Variants in RFTN2 observed in about 807,000 individuals in gnomAD.
The protein encoded by RFTN2 is raftlin-2.
A neutral mutation model predicts 52.7 loss-of-function variants in RFTN2; 34 were observed. That is an observed-to-expected ratio of 0.64 (90% CI 0.49 to 0.86). The LOEUF (loss-of-function observed/expected upper bound fraction) is 0.86. RFTN2 is among the 40% of genes least tolerant of loss of function. RFTN2 has a pLI of 0.00. For missense variants in RFTN2, 536 were observed against 600.1 expected (o/e 0.89, Z 1.12); for synonymous variants, 203 against 217.7 (o/e 0.93, Z 0.59).
chr2:197,653,460 G>T (rs2088851092), intron 1 of RFTN2, among the ~76,000 whole-genome samples: 1 of 151,792 alleles, frequency 6.6e-6, no homozygotes, highest in African/African-American at 2.4e-5. Context: ...GGAAGACTCA[G>T]TTACCCATGG....
At chr2:197,634,875 A>G (rs905042601) in intron 3 of RFTN2, among the ~76,000 whole-genome samples, 3 of 146,144 alleles carry the variant, frequency 2.1e-5, no homozygotes, top group African/African-American at 7.5e-5. Context: ...TCCCAATGCT[A>G]TAGCTCCCCC....
At chr2:197,640,495 T>C (rs1477424744) in intron 3 of RFTN2, among the ~76,000 whole-genome samples, 1 of 152,224 alleles carries the variant, frequency 6.6e-6, no homozygotes, top group African/African-American at 2.4e-5. Flanking sequence ...GTGACCCGAT[T>C]TTCCAGGTGA....
intron 8 of RFTN2, among the ~76,000 whole-genome samples, chr2:197,590,158 G>A (rs979494058): frequency 3.3e-5 from 5 of 151,980 alleles, no homozygotes; most frequent in African/African-American, 9.7e-5. Flanking sequence ...TCCTGCCTCA[G>A]GCTCCCAGAA....
intron 8 of RFTN2, among the ~76,000 whole-genome samples, chr2:197,576,835 G>C (rs1428015543): frequency 6.6e-6 from 1 of 152,148 alleles, no homozygotes; most frequent in Non-Finnish European, 1.5e-5. Flanking sequence ...CAAGTTACCG[G>C]AGTTGAGCAA....
chr2:197,624,076 G>A (rs1290447030), intron 5 of RFTN2, among the ~76,000 whole-genome samples: 2 of 152,166 alleles, frequency 1.3e-5, no homozygotes, highest in East Asian at 3.9e-4. Context: ...TGGGATTACA[G>A]GTGTGAGCTA....
chr2:197,659,212 A>G (rs948601297), intron 1 of RFTN2, among the ~76,000 whole-genome samples: 1 of 152,142 alleles, frequency 6.6e-6, no homozygotes, highest in African/African-American at 2.4e-5. Context: ...TACTTATGAA[A>G]TATTAGGGCC....
intron 1 of RFTN2, among the ~76,000 whole-genome samples, chr2:197,665,235 TTC>T (rs1485387220): frequency 6.6e-6 from 1 of 152,176 alleles, no homozygotes; most frequent in East Asian, 1.9e-4. Context: ...CTTCTATACT[TTC>T]TGTTCAATTT....
intron 3 of RFTN2, among the ~76,000 whole-genome samples, chr2:197,634,752 A>C (rs1574727504): frequency 6.7e-6 from 1 of 148,538 alleles, no homozygotes. Flanking sequence ...TATTTTTATT[A>C]TACTTTAAGT....
intron 8 of RFTN2, among the ~76,000 whole-genome samples, chr2:197,586,860 T>A (rs1045586603): frequency 2.6e-5 from 4 of 152,212 alleles, no homozygotes; most frequent in Non-Finnish European, 4.4e-5. Flanking sequence ...GGACTCTGTA[T>A]ATTTTTTAAA....
At chr2:197,658,262 C>A (rs1397781737) in intron 1 of RFTN2, among the ~76,000 whole-genome samples, 1 of 151,112 alleles carries the variant, frequency 6.6e-6, no homozygotes, top group Non-Finnish European at 1.5e-5. Flanking sequence ...TCTTCATAAA[C>A]CTTACTTATG....
At chr2:197,669,098 A>G (rs1336598425) in intron 1 of RFTN2, among the ~76,000 whole-genome samples, 25 of 152,132 alleles carry the variant, frequency 1.6e-4, no homozygotes, top group Admixed American at 1.6e-3. Context: ...GTGATTATCT[A>G]CTCACTGTTT....
At chr2:197,629,653 G>A (rs1188368343) in intron 5 of RFTN2, among the ~76,000 whole-genome samples, 1 of 142,946 alleles carries the variant, frequency 7.0e-6, no homozygotes, top group Non-Finnish European at 1.5e-5. Flanking sequence ...CAAAAAATAT[G>A]AAGAAATATT....
intron 3 of RFTN2, 86 bp from the exon 4 acceptor site, chr2:197,634,083 G>A (rs2088515923): frequency 3.5e-6 from 4 of 1,135,132 alleles, no homozygotes; most frequent in East Asian, 4.9e-5. Context: ...GCTTATTGAG[G>A]AAATCCACTA....
At chr2:197,654,084 C>T (rs1012391923) in intron 1 of RFTN2, among the ~76,000 whole-genome samples, 10 of 152,192 alleles carry the variant, frequency 6.6e-5, no homozygotes, top group Admixed American at 5.2e-4. Flanking sequence ...GACTGAGCCA[C>T]AGGCCTGGCC....
At chr2:197,640,794 C>T (rs2088660407) in intron 3 of RFTN2, among the ~76,000 whole-genome samples, 1 of 152,208 alleles carries the variant, frequency 6.6e-6, no homozygotes. Flanking sequence ...AGCACTTTTC[C>T]CATTGACATA....
chr2:197,604,604 C>G (rs1559345955), intron 7 of RFTN2, among the ~76,000 whole-genome samples: 1 of 152,128 alleles, frequency 6.6e-6, no homozygotes, highest in Non-Finnish European at 1.5e-5. Context: ...AATGTTATCT[C>G]TGTGTGGAGG....
chr2:197,619,476 A>G (rs1351521196), intron 5 of RFTN2, among the ~76,000 whole-genome samples: 81 of 152,032 alleles, frequency 5.3e-4, no homozygotes, highest in South Asian at 1.0e-3. Context: ...CATGTGCTGT[A>G]TCCACTCAGG....
intron 1 of RFTN2, among the ~76,000 whole-genome samples, chr2:197,657,477 CT>C (rs2088910228): frequency 6.6e-6 from 1 of 152,204 alleles, no homozygotes; most frequent in African/African-American, 2.4e-5. Context: ...ATTATTCACT[CT>C]GGTGAGCGCT....
chr2:197,592,035 A>AG (rs2087724423), intron 8 of RFTN2, among the ~76,000 whole-genome samples: 1 of 151,982 alleles, frequency 6.6e-6, no homozygotes, highest in Admixed American at 6.5e-5. Context: ...AGGGCTCCTC[A>AG]AGTGTGGCCA....
Sources: gnomAD v4.1 joint callset for allele counts (sites outside exome capture counted in the v4.1 genomes callset) on GRCh38, gnomAD v4.1.1 for gene constraint, MANE v1.5 for transcripts, NCBI Gene and HGNC (gene_info 2026-07-23, HGNC 2026-07-21) for gene names.